Variants in FANK1 observed in about 807,000 individuals in gnomAD.
The protein encoded by FANK1 is fibronectin type 3 and ankyrin repeat domains protein 1.
A neutral mutation model predicts 45.3 loss-of-function variants in FANK1; 44 were observed. The observed-to-expected ratio is 0.97, with a 90% CI of 0.76 to 1.25. The LOEUF is 1.25. Ranked by LOEUF, FANK1 falls within the 50% of genes most tolerant of loss-of-function variation. The pLI, the probability that FANK1 is intolerant of heterozygous loss-of-function variation, is 0.00. For missense variants in FANK1, 391 were observed against 424.4 expected (o/e 0.92, Z 0.69); for synonymous variants, 149 against 152.5 (o/e 0.98, Z 0.17).
intron 1 of FANK1, among the ~76,000 whole-genome samples, chr10:125,910,777 G>A (rs565459673): frequency 1.5e-3 from 230 of 152,314 alleles, no homozygotes; most frequent in African/African-American, 5.3e-3. Context: ...GCTCACTCCT[G>A]TAATCCCAGC....
chr10:125,920,194 A>G (rs866416439), intron 1 of FANK1, among the ~76,000 whole-genome samples: 124 of 152,338 alleles, frequency 8.1e-4, no homozygotes, highest in African/African-American at 2.9e-3. Flanking sequence ...GTGAAGAAGG[A>G]TGACATAGGC....
intron 1 of FANK1, among the ~76,000 whole-genome samples, chr10:125,915,292 G>A (rs111850300): frequency 6.6e-6 from 1 of 151,578 alleles, no homozygotes; most frequent in South Asian, 2.1e-4. Context: ...TATTAATGAA[G>A]TGAGCAGTGA....
chr10:125,905,130 C>CAAAAA (rs11289535), intron 1 of FANK1, among the ~76,000 whole-genome samples: 14 of 68,134 alleles, frequency 2.1e-4, no homozygotes, highest in Admixed American at 3.7e-4. Context: ...GACTCTGTCC[C>CAAAAA]AAAAAAAAAA....
At chr10:125,900,925 T>C (rs1944982033) in intron 1 of FANK1, among the ~76,000 whole-genome samples, 1 of 152,162 alleles carries the variant, frequency 6.6e-6, no homozygotes, top group Non-Finnish European at 1.5e-5. Context: ...GCTGGGATTA[T>C]AGGCGTGTGC....
intron 1 of FANK1, among the ~76,000 whole-genome samples, chr10:125,912,881 C>T (rs1946139758): frequency 6.6e-6 from 1 of 152,206 alleles, no homozygotes. Context: ...GTGATCCGCC[C>T]GTCTCGGCCT....
At position 125,938,054 on chromosome 10, in the gene FANK1, G is replaced by T. The variant is rs372072741; in HGVS notation, c.13+41399G>T. On this transcript the variant is annotated intron_variant, in intron 1 of 10. Transcript: ENST00000368693. Reference sequence around the variant, plus strand: ...TAAACACATTTTTCAGACTCCATATGTTTATTGGTATATATATTCTAAAGA... The same window carrying T: ...TAAACACATTTTTCAGACTCCATATTTTTATTGGTATATATATTCTAAAGA... Among the ~76,000 whole-genome samples, 3 of 152,192 alleles carry T rather than the reference G, an allele frequency of 2.0e-5. No homozygotes were observed. The East Asian group carries it at 5.8e-4, about 29-fold the overall frequency.
chr10:125,949,866 T>C lies in FANK1; in HGVS notation c.14-30295T>C, dbSNP rs1949079308. ...CATCACACTACCTGACTTCAAACTA[T>C]ACTACAAGGCTACAGTAACCAAAAC... On this transcript the variant is annotated intron_variant, in intron 1 of 10. Transcript: ENST00000368693. Among the ~76,000 whole-genome samples, 18 of 146,812 alleles carry C rather than the reference T, an allele frequency of 1.2e-4. No individual in the cohort carries two copies. In the South Asian group the frequency reaches 4.1e-3, roughly 33 times the overall value.
chr10:125,926,124 C>G (rs549825208), intron 1 of FANK1, among the ~76,000 whole-genome samples: 1 of 152,242 alleles, frequency 6.6e-6, no homozygotes, highest in South Asian at 2.1e-4. Flanking sequence ...AGAATACTTT[C>G]ATCGCATTAA....
In FANK1 at chr10:125,980,383, A is replaced by G. The variant is rs771919140; in HGVS notation, c.191+45A>G. ...GCTTGCCACTTTGCCTTACTTCCTG[A>G]TTAGCTGGAATGATTTCTGTTGTCT... is the stretch of plus-strand genomic sequence containing the variant. On this transcript the variant is annotated intron_variant, in intron 2 of 10. Transcript: ENST00000368693. The G allele has an allele frequency of 1.9e-6, 3 of 1,561,248 alleles. No homozygotes were observed. In the South Asian group the frequency reaches 3.6e-5, roughly 19 times the overall value.
intron 1 of FANK1, among the ~76,000 whole-genome samples, chr10:125,968,121 C>T (rs1209701875): frequency 6.6e-6 from 1 of 151,320 alleles, no homozygotes; most frequent in Non-Finnish European, 1.5e-5. Flanking sequence ...TGCTCTTTCG[C>T]TCAGGCTGGA....
chr10:125,992,944 T>C (rs1952046712), intron 3 of FANK1, among the ~76,000 whole-genome samples: 2 of 152,218 alleles, frequency 1.3e-5, no homozygotes, highest in African/African-American at 2.4e-5. Context: ...TGGAAGCATA[T>C]AGTGAACTGG....
At chr10:125,921,148 G>T (rs3858302) in intron 1 of FANK1, among the ~76,000 whole-genome samples, 34,027 of 148,608 alleles carry the variant, frequency 0.23, 6,411 homozygotes, top group African/African-American at 0.52. Flanking sequence ...ATCTGCCCAT[G>T]TATTATGTTT....
intron 1 of FANK1, among the ~76,000 whole-genome samples, chr10:125,945,531 T>C (rs910728594): frequency 3.9e-5 from 6 of 152,326 alleles, no homozygotes; most frequent in South Asian, 4.1e-4. Context: ...CCGAATATTG[T>C]GCTTTTCAGA....
intron 1 of FANK1, among the ~76,000 whole-genome samples, chr10:125,922,258 C>A (rs557259574): frequency 6.6e-6 from 1 of 152,108 alleles, no homozygotes; most frequent in African/African-American, 2.4e-5. Context: ...TTAATTCTGT[C>A]GTCAGAGAAA....
rs17153879 is a variant in FANK1 at position 125,980,182 on chromosome 10, C to T, written c.35C>T (p.Pro12Leu). ...TTAGAAATCATGCCACCCTCAAAGC[C>T]TCATCCACCTGTCGTGGGCAAAGTG... is the stretch of plus-strand genomic sequence containing the variant. ...EPQKIMPPSKPHPPVVGKVTH... is the reference protein window; with the variant it reads ...EPQKIMPPSKLHPPVVGKVTH... Residue 12 changes from proline (P) to leucine (L), a missense_variant, in exon 2 of 11, where the codon CCT becomes CTT. Coordinates refer to ENST00000368693, the MANE Select transcript of FANK1 (RefSeq NM_145235.5). The T allele has an allele frequency of 3.4e-3, 5,445 of 1,612,378 alleles. 29 individuals carry two copies. Among genetic ancestry groups the T allele is most frequent in the Non-Finnish European group, 3.7e-3 (4,422 of 1,179,646 alleles).
intron 1 of FANK1, among the ~76,000 whole-genome samples, chr10:125,966,657 C>G (rs906454551): frequency 6.6e-6 from 1 of 152,070 alleles, no homozygotes. Context: ...ATAAATTGAG[C>G]CAGAGTGTAA....
At chr10:125,969,865 A>G (rs1950387144) in intron 1 of FANK1, among the ~76,000 whole-genome samples, 1 of 152,184 alleles carries the variant, frequency 6.6e-6, no homozygotes, top group South Asian at 2.1e-4. Context: ...CTGTTTAACA[A>G]AGCACATCTT....
chr10:125,932,005 T>C (rs1564885701), intron 1 of FANK1, among the ~76,000 whole-genome samples: 1 of 152,176 alleles, frequency 6.6e-6, no homozygotes, highest in Non-Finnish European at 1.5e-5. Context: ...GATCAGTTGG[T>C]TATAAGTGTT....
chr10:125,914,141 C>T (rs558393754), intron 1 of FANK1, among the ~76,000 whole-genome samples: 1 of 152,106 alleles, frequency 6.6e-6, no homozygotes, highest in African/African-American at 2.4e-5. Flanking sequence ...TGCCCGCCTC[C>T]CAGACAACTT....
Sources: allele counts gnomAD v4.1 joint callset (sites outside exome capture counted in the v4.1 genomes callset), GRCh38; gene constraint gnomAD v4.1.1; transcripts MANE v1.5; gene names NCBI Gene and HGNC (gene_info 2026-07-23, HGNC 2026-07-21).